The following DEFB113 variants were observed in gnomAD, a reference collection of about 807,000 sequenced individuals.
DEFB113 encodes defensin beta 113.
A neutral mutation model predicts 2.5 loss-of-function variants in DEFB113; 5 were observed. The ratio of observed to expected loss-of-function variants is 1.99; its 90% CI spans 1.04 to 4.18. The LOEUF is 4.18. Among genes scored for constraint, DEFB113 ranks in the 30% most tolerant of loss-of-function variants. The pLI is 0.00. For synonymous variants in DEFB113, 42 were observed against 31.6 expected (o/e 1.33, Z -1.11); for missense variants, 123 against 96.6 (o/e 1.27, Z -1.14).
intron 1 of DEFB113, 43 bp from the exon 2 acceptor site, chr6:49,968,910 C>A: frequency 6.5e-7 from 1 of 1,536,156 alleles, no homozygotes. Flanking sequence ...ATTTAATATC[C>A]TTAGATACAG....
At chr6:49,968,985 C>T in intron 1 of DEFB113, 118 bp from the exon 2 acceptor site, 2 of 975,518 alleles carry the variant, frequency 2.1e-6, no homozygotes, top group Admixed American at 8.1e-5. Flanking sequence ...GCCCAAGCAA[C>T]TCTATTGAAA....
intron 1 of DEFB113, among the ~76,000 whole-genome samples, chr6:49,969,207 T>C (rs1348519072): frequency 1.3e-5 from 2 of 151,274 alleles, no homozygotes; most frequent in South Asian, 4.1e-4. Context: ...CTTTTCTCTC[T>C]ACCCCTAGCA....
At chr6:49,969,425 C>G (rs562127014) in intron 1 of DEFB113, 143 bp downstream of exon 1, 7 of 529,210 alleles carry the variant, frequency 1.3e-5, no homozygotes, top group Non-Finnish European at 1.6e-5. Context: ...TTTCTTCCCC[C>G]ATGAAAAAAT....
chr6:49,969,325 T>C (rs1218700839), intron 1 of DEFB113, among the ~76,000 whole-genome samples: 1 of 151,098 alleles, frequency 6.6e-6, no homozygotes, highest in Non-Finnish European at 1.5e-5. Flanking sequence ...AAAATTATAG[T>C]GTCATCACAC....
chr6:49,969,510 T>TA, intron 1 of DEFB113, 58 bp downstream of exon 1: 1 of 1,225,824 alleles, frequency 8.2e-7, no homozygotes. Flanking sequence ...ATTTTCAGAG[T>TA]AAAGCATTTA....
At chr6:49,969,396 C>T (rs1379852415) in intron 1 of DEFB113, among the ~76,000 whole-genome samples, 172 bp downstream of exon 1, 1 of 151,158 alleles carries the variant, frequency 6.6e-6, no homozygotes, top group Non-Finnish European at 1.5e-5. Context: ...ATTATTTTCT[C>T]AACTACCAGT....
Position 49,969,614 on chromosome 6 carries a change from A to G in DEFB113, c.12T>C (p.Leu4=), listed in dbSNP as rs2113916459. Residue 4 remains leucine, a synonymous_variant, in exon 1 of 2, where the codon CTT becomes CTC. Transcript: ENST00000398718. ...TGAAGACAAAGGTCAGAAAAATACA[A>G]AGTATCTTCATTGCTGATGCAGTTA... MKI[L]CIFLTFVFTV... The G allele has an allele frequency of 1.2e-6, 2 of 1,606,180 alleles. No individual in the cohort carries two copies. The highest frequency in any genetic ancestry group is 2.2e-5 in the East Asian group (1 of 44,650).
chr6:49,968,933 T>C, intron 1 of DEFB113, 66 bp from the exon 2 acceptor site: 1 of 1,423,124 alleles, frequency 7.0e-7, no homozygotes, highest in Non-Finnish European at 9.3e-7. Flanking sequence ...ATGAATAAAC[T>C]CTTTAAAATG....
Position 49,968,827 on chromosome 6 carries a change from T to C in DEFB113, c.99A>G (p.Arg33=). ...KKTREVAERK[R]ECQLVRGACK... is the part of the protein sequence containing the mutation. Reference sequence around the variant, plus strand: ...AAGCACCACGAACAAGCTGACATTCTCTTTTTCTCTCTGCAACTTCTCTTG... The same window carrying C: ...AAGCACCACGAACAAGCTGACATTCCCTTTTTCTCTCTGCAACTTCTCTTG... Residue 33 remains arginine, a synonymous_variant, in exon 2 of 2, where the codon AGA becomes AGG. Coordinates refer to ENST00000398718, the MANE Select transcript of DEFB113 (RefSeq NM_001037729.1). The C allele has an allele frequency of 6.2e-7, 1 of 1,602,122 alleles. No homozygotes were observed.
intron 1 of DEFB113, 83 bp from the exon 2 acceptor site, chr6:49,968,950 T>C (rs950734733): frequency 7.7e-7 from 1 of 1,305,934 alleles, no homozygotes; most frequent in Non-Finnish European, 1.0e-6. Flanking sequence ...AATGTAGAGT[T>C]AAACCATTTT....
chr6:49,969,604 G>GA lies in DEFB113; in HGVS notation c.21dup (p.Leu8SerfsTer52). 6.2e-7 allele frequency: 1 copy of GA among 1,606,746 alleles called. No individual in the cohort carries two copies. ...CAAGACACAGTGAAGACAAAGGTCA[G>GA]AAAAATACAAAGTATCTTCATTGCT... On this transcript the variant is annotated frameshift_variant, in exon 1 of 2. Transcript: ENST00000398718. LOFTEE classifies it low-confidence loss of function (END_TRUNC).
chr6:49,969,120 T>C (rs994909927), intron 1 of DEFB113, among the ~76,000 whole-genome samples: 5 of 151,174 alleles, frequency 3.3e-5, no homozygotes, highest in Admixed American at 2.6e-4. Context: ...GTGTGCTTCC[T>C]CAAGAGTAAA....
Position 49,968,773 on chromosome 6 carries a change from A to G in DEFB113, c.153T>C (p.Tyr51=). The part of the protein sequence containing the change: ...ACKPECNSWE[Y]VYYYCNVNPC... ...GGTTAACATTGCAGTAATAATATACATATTCCCAGCTGTTGCATTCCGGCT... is the reference window on the plus strand; with the variant it reads ...GGTTAACATTGCAGTAATAATATACGTATTCCCAGCTGTTGCATTCCGGCT... Residue 51 remains tyrosine (Y), a synonymous_variant, in exon 2 of 2, where the codon TAT becomes TAC. Coordinates refer to ENST00000398718, the MANE Select transcript of DEFB113 (RefSeq NM_001037729.1). The G allele has an allele frequency of 6.2e-7, 1 of 1,603,204 alleles. No homozygotes were observed.
chr6:49,968,884 A>C lies in DEFB113; in HGVS notation c.59-17T>G, dbSNP rs754013264. 6.3e-7 allele frequency: 1 copy of C among 1,593,326 alleles called. No homozygotes were observed. The highest frequency in any genetic ancestry group is 8.5e-7 in the Non-Finnish European group (1 of 1,170,766). ...TCTGTGGAACTAGGAAAAAGTAGCT[A>C]TGACCATAAGTCCAGATTTAATATC... On this transcript the variant is annotated splice_polypyrimidine_tract_variant and intron_variant, in intron 1 of 1. Transcript: ENST00000398718.
chr6:49,969,229 G>A (rs1554160584), intron 1 of DEFB113, among the ~76,000 whole-genome samples: 1 of 150,990 alleles, frequency 6.6e-6, no homozygotes, highest in Non-Finnish European at 1.5e-5. Flanking sequence ...TCATTAGGTT[G>A]GCTGTAAAAA....
intron 1 of DEFB113, 23 bp from the exon 2 acceptor site, chr6:49,968,890 A>G (rs750866642): frequency 4.2e-5 from 67 of 1,583,554 alleles, no homozygotes; most frequent in South Asian, 1.0e-4. Context: ...AGCTATGACC[A>G]TAAGTCCAGA....
Position 49,968,821 on chromosome 6 carries a change from A to G in DEFB113, c.105T>C (p.Cys35=), listed in dbSNP as rs1773587933. The G allele has an allele frequency of 1.2e-6, 2 of 1,602,706 alleles. No individual in the cohort carries two copies. Among genetic ancestry groups the G allele is most frequent in the Non-Finnish European group, 1.7e-6 (2 of 1,174,722 alleles). The change falls in exon 2 of 2, where the codon TGT becomes TGC. Residue 35 remains cysteine (C), a synonymous_variant. Coordinates refer to ENST00000398718, the MANE Select transcript of DEFB113 (RefSeq NM_001037729.1). ...GCTTGCAAGCACCACGAACAAGCTGACATTCTCTTTTTCTCTCTGCAACTT... is the reference window on the plus strand; with the variant it reads ...GCTTGCAAGCACCACGAACAAGCTGGCATTCTCTTTTTCTCTCTGCAACTT... ...TREVAERKRE[C]QLVRGACKPE...
intron 1 of DEFB113, among the ~76,000 whole-genome samples, chr6:49,969,193 A>T (rs1238124785): frequency 6.6e-6 from 1 of 150,934 alleles, no homozygotes; most frequent in Non-Finnish European, 1.5e-5. Context: ...TCCACCTCCA[A>T]CCCCTTTTCT....
Position 49,968,756 on chromosome 6 carries a change from T to G in DEFB113, c.170A>C (p.Asn57Thr), listed in dbSNP as rs180815205. 1.3e-6 allele frequency: 2 copies of G among 1,595,328 alleles called. No homozygotes were observed. The highest frequency in any genetic ancestry group is 1.4e-5 in the African/African-American group (1 of 73,816). ...NSWEYVYYYC[N>T]VNPCCAVWEY... is the part of the protein sequence containing the mutation. ...CCATACCGCACAGCAGGGGTTAACA[T>G]TGCAGTAATAATATACATATTCCCA... is the stretch of plus-strand genomic sequence containing the variant. Residue 57 changes from asparagine to threonine, a missense_variant, in exon 2 of 2, where the codon AAT becomes ACT. Coordinates refer to ENST00000398718, the MANE Select transcript of DEFB113 (RefSeq NM_001037729.1).
Sources: gnomAD v4.1 joint callset for allele counts (sites outside exome capture counted in the v4.1 genomes callset) on GRCh38, gnomAD v4.1.1 for gene constraint, MANE v1.5 for transcripts, NCBI Gene and HGNC (gene_info 2026-07-23, HGNC 2026-07-21) for gene names.